ANTXR1: variants seen among roughly 807,000 people sequenced by gnomAD.
ANTXR1 encodes ANTXR cell adhesion molecule 1, also known as anthrax toxin receptor 1.
A neutral mutation model predicts 78.1 loss-of-function variants in ANTXR1; 19 were observed. That is an observed-to-expected ratio of 0.24 (90% confidence interval 0.17 to 0.36). ANTXR1 has a LOEUF of 0.36. Among genes scored for constraint, ANTXR1 ranks in the 10% least tolerant of loss-of-function variants. The pLI is 1.00. For missense variants in ANTXR1, 518 were observed against 718.6 expected (o/e 0.72, Z 3.19); for synonymous variants, 273 against 260.5 (o/e 1.05, Z -0.46).
chr2:69,116,654 AC>A (rs1307174821), intron 10 of ANTXR1, among the ~76,000 whole-genome samples: 3 of 152,044 alleles, frequency 2.0e-5, no homozygotes, highest in African/African-American at 7.2e-5. Flanking sequence ...TTTTCCCACT[AC>A]CTAATGTGAA....
At chr2:69,159,466 C>G (rs878972443) in intron 13 of ANTXR1, among the ~76,000 whole-genome samples, 4 of 151,752 alleles carry the variant, frequency 2.6e-5, no homozygotes, top group Admixed American at 1.3e-4. Context: ...ATATGTAACA[C>G]TACTAAACTG....
At chr2:69,026,065 C>T (rs1303340631) in intron 1 of ANTXR1, among the ~76,000 whole-genome samples, 1 of 152,200 alleles carries the variant, frequency 6.6e-6, no homozygotes, top group Non-Finnish European at 1.5e-5. Context: ...TCCCAAATTC[C>T]CGTAACAATT....
At chr2:69,144,430 G>T (rs1296336554) in intron 12 of ANTXR1, among the ~76,000 whole-genome samples, 1 of 152,170 alleles carries the variant, frequency 6.6e-6, no homozygotes, top group Admixed American at 6.5e-5. Context: ...CCCGCTAAAG[G>T]TCTCTTTCCC....
chr2:69,146,405 T>G (rs1673227370), intron 12 of ANTXR1: 10 of 978,392 alleles, frequency 1.0e-5, no homozygotes, highest in Non-Finnish European at 1.2e-5. Flanking sequence ...GAATTGGACT[T>G]GGGTTGATAC....
intron 3 of ANTXR1, among the ~76,000 whole-genome samples, chr2:69,061,406 T>C (rs1670239503): frequency 1.3e-5 from 2 of 152,000 alleles, no homozygotes; most frequent in South Asian, 4.2e-4. Flanking sequence ...GAAAAGAGTT[T>C]GAAAACTACT....
chr2:69,245,451 C>T lies in ANTXR1; in HGVS notation c.1661C>T (p.Pro554Leu). The T allele has an allele frequency of 6.2e-7, 1 of 1,611,536 alleles. No homozygotes were observed. The highest frequency in any genetic ancestry group is 8.5e-7 in the Non-Finnish European group (1 of 1,179,264). ...PQAPPPNRAP[P>L]PSRPPPRPSV ...GCTCCACCTCCCAACAGGGCACCTCCTCCCTCCCGCCCTCCTCCAAGGCCT... is the reference window on the plus strand; with the variant it reads ...GCTCCACCTCCCAACAGGGCACCTCTTCCCTCCCGCCCTCCTCCAAGGCCT... The change falls in exon 18 of 18, where the codon CCT becomes CTT. Residue 554 changes from proline to leucine, a missense_variant. Physicochemically the swap from Pro to Leu is moderately conservative, Grantham distance 98. Coordinates refer to ENST00000303714, the MANE Select transcript of ANTXR1 (RefSeq NM_032208.3).
intron 17 of ANTXR1, among the ~76,000 whole-genome samples, chr2:69,210,032 G>A (rs916286764): frequency 2.0e-5 from 3 of 152,210 alleles, no homozygotes; most frequent in Non-Finnish European, 4.4e-5. Context: ...TTGGAGTCCC[G>A]GATGAGAGGC....
intron 6 of ANTXR1, among the ~76,000 whole-genome samples, chr2:69,073,674 A>G (rs1294826629): frequency 6.6e-6 from 1 of 152,222 alleles, no homozygotes; most frequent in African/African-American, 2.4e-5. Context: ...CTCTCAATGA[A>G]GATTTTACCT....
chr2:69,242,843 C>T (rs764621430), intron 17 of ANTXR1, among the ~76,000 whole-genome samples: 12 of 152,180 alleles, frequency 7.9e-5, no homozygotes, highest in Non-Finnish European at 1.3e-4. Context: ...GTAACCAAGG[C>T]TTAGATTTAT....
chr2:69,142,631 T>C (rs1673100554), intron 12 of ANTXR1, among the ~76,000 whole-genome samples: 1 of 152,140 alleles, frequency 6.6e-6, no homozygotes, highest in Non-Finnish European at 1.5e-5. Context: ...GCCTAGCACA[T>C]GGTAGGTGTT....
At chr2:69,081,492 A>G (rs560409912) in intron 8 of ANTXR1, among the ~76,000 whole-genome samples, 6 of 152,324 alleles carry the variant, frequency 3.9e-5, no homozygotes, top group Non-Finnish European at 7.4e-5. Flanking sequence ...TTTCCATTTT[A>G]GTTTCTTAAC....
rs55823749 is a variant in ANTXR1, at chr2:69,079,324, G to A, written c.642+1836G>A. Reference sequence around the variant, plus strand: ...CAAGGGATGCAAAACATGATTAATAGCAGGACTGGGGGCCGATCATGGATC... The same window carrying A: ...CAAGGGATGCAAAACATGATTAATAACAGGACTGGGGGCCGATCATGGATC... On this transcript the variant is annotated intron_variant, in intron 8 of 17. Coordinates refer to ENST00000303714, the MANE Select transcript of ANTXR1 (RefSeq NM_032208.3). Among the ~76,000 whole-genome samples, 796 of 152,256 alleles carry A rather than the reference G, an allele frequency of 5.2e-3. 7 individuals are homozygous for A. The highest frequency in any genetic ancestry group is 0.018 in the African/African-American group (757 of 41,532).
intron 10 of ANTXR1, 25 bp downstream of exon 10, chr2:69,102,965 T>C (rs1476559414): frequency 6.2e-7 from 1 of 1,608,078 alleles, no homozygotes; most frequent in Non-Finnish European, 8.5e-7. Context: ...AGTCCATGGG[T>C]TTCTTCGACA....
rs1670915978 is a variant in ANTXR1 at position 69,013,227 on chromosome 2, C to T, written c.-273C>T. The stretch of plus-strand genomic sequence containing the variant: ...GCTCGGCGCGGCCTCGGGAGCTGCC[C>T]GGCGGCCCCGGACCGAGGCAGCCCT... On this transcript the variant is annotated 5_prime_UTR_variant, in exon 1 of 18. Transcript: ENST00000303714. The surrounding 1 kb of genome is among the most constrained non-coding windows in gnomAD (Gnocchi z 5.0). 3.9e-6 allele frequency: 2 copies of T among 512,424 alleles called. No homozygotes were observed. Among genetic ancestry groups the T allele is most frequent in the South Asian group, 4.5e-5 (2 of 44,278 alleles). The allele number at this position is 512,424 out of a possible 1,614,324, so 31.7% of individuals were successfully genotyped here. A position where few individuals can be genotyped will look rare whatever the true frequency, so the allele number is the denominator to read the frequency against.
chr2:69,183,896 T>C (rs971353158), intron 16 of ANTXR1, among the ~76,000 whole-genome samples: 1 of 152,144 alleles, frequency 6.6e-6, no homozygotes, highest in African/African-American at 2.4e-5. Flanking sequence ...GATTTCATAC[T>C]GAGATAGGCA....
chr2:69,189,776 T>C (rs890109617), intron 16 of ANTXR1, among the ~76,000 whole-genome samples: 1 of 152,128 alleles, frequency 6.6e-6, no homozygotes, highest in African/African-American at 2.4e-5. Context: ...AGTGTGCCCA[T>C]CTGGAGAGAT....
At chr2:69,031,182 A>G (rs1322007205) in intron 1 of ANTXR1, among the ~76,000 whole-genome samples, 1 of 152,116 alleles carries the variant, frequency 6.6e-6, no homozygotes, top group Non-Finnish European at 1.5e-5. Flanking sequence ...CCGAATATAA[A>G]ATGGGCCAAA....
intron 17 of ANTXR1, among the ~76,000 whole-genome samples, chr2:69,242,018 T>G (rs1362425684): frequency 6.6e-6 from 1 of 152,106 alleles, no homozygotes; most frequent in Non-Finnish European, 1.5e-5. Context: ...CGATGAGAGC[T>G]CTGGGCTTTT....
chr2:69,122,910 GT>G, intron 10 of ANTXR1, 106 bp from the exon 11 acceptor site: 8 of 1,234,182 alleles, frequency 6.5e-6, no homozygotes, highest in Non-Finnish European at 8.3e-6. Context: ...AAAGATTTTT[GT>G]TTTTTTGGTA....
Sources: allele counts gnomAD v4.1 joint callset (sites outside exome capture counted in the v4.1 genomes callset), GRCh38; gene constraint gnomAD v4.1.1; non-coding constraint Gnocchi (gnomAD v3.1); transcripts MANE v1.5; gene names NCBI Gene and HGNC (gene_info 2026-07-23, HGNC 2026-07-21).